Variants in IL12RB2 observed in about 807,000 individuals in gnomAD.
IL12RB2 encodes the protein interleukin 12 receptor subunit beta 2, also known as interleukin-12 receptor subunit beta-2.
A neutral mutation model predicts 89.4 loss-of-function variants in IL12RB2; 82 were observed. That is an observed-to-expected ratio of 0.92 (90% CI 0.77 to 1.10). The LOEUF is 1.10. IL12RB2 is among the 50% of genes least tolerant of loss of function. The pLI, the probability that IL12RB2 is intolerant of heterozygous loss-of-function variation, is 0.00. For missense variants in IL12RB2, 963 were observed against 1,031.9 expected (o/e 0.93, Z 0.92); for synonymous variants, 368 against 370.1 (o/e 0.99, Z 0.07).
At chr1:67,388,666 T>C (rs1665488446) in intron 15 of IL12RB2, among the ~76,000 whole-genome samples, 1 of 152,238 alleles carries the variant, frequency 6.6e-6, no homozygotes, top group African/African-American at 2.4e-5. Context: ...TTAATGGTGT[T>C]TATATCTGGG....
At chr1:67,379,846 G>A in intron 13 of IL12RB2, 140 bp from the exon 14 acceptor site, 1 of 703,826 alleles carries the variant, frequency 1.4e-6, no homozygotes, top group South Asian at 1.6e-5. Context: ...TAAGTACTGA[G>A]GAATTTGGAC....
chr1:67,375,988 A>T (rs1455293826), intron 13 of IL12RB2, among the ~76,000 whole-genome samples: 1 of 151,692 alleles, frequency 6.6e-6, no homozygotes, highest in Admixed American at 6.6e-5. Context: ...CTGGGACTAC[A>T]AGCACCCGCC....
chr1:67,395,399 T>C, intron 16 of IL12RB2, 148 bp from the exon 17 acceptor site: 1 of 1,477,648 alleles, frequency 6.8e-7, no homozygotes, highest in African/African-American at 1.4e-5. Flanking sequence ...TAACTGTTTC[T>C]CTTACCTCGC....
chr1:67,321,040 TGCCTCCC>T (rs1656443219), intron 3 of IL12RB2, among the ~76,000 whole-genome samples: 1 of 151,764 alleles, frequency 6.6e-6, no homozygotes, highest in African/African-American at 2.4e-5. Flanking sequence ...TTTTTCTTCC[TGCCTCCC>T]GCCGTCCACA....
chr1:67,373,822 C>A (rs1464436206), intron 13 of IL12RB2, among the ~76,000 whole-genome samples: 1 of 152,182 alleles, frequency 6.6e-6, no homozygotes, highest in African/African-American at 2.4e-5. Context: ...AACAATGCAA[C>A]AAAGCCACCC....
At chr1:67,340,581 C>T (rs998231543) in intron 9 of IL12RB2, among the ~76,000 whole-genome samples, 2 of 152,192 alleles carry the variant, frequency 1.3e-5, no homozygotes, top group African/African-American at 4.8e-5. Context: ...AATGAGAGGA[C>T]ACAAATGTAA....
chr1:67,324,602 C>T (rs1355303622), intron 4 of IL12RB2, among the ~76,000 whole-genome samples: 3 of 152,192 alleles, frequency 2.0e-5, no homozygotes, highest in East Asian at 1.9e-4. Context: ...CTGCCTGCCT[C>T]GGCCTCCCAA....
At chr1:67,338,372 A>AAAT (rs1659098028) in intron 8 of IL12RB2, among the ~76,000 whole-genome samples, 1 of 146,198 alleles carries the variant, frequency 6.8e-6, no homozygotes, top group Non-Finnish European at 1.5e-5. Context: ...AAAAAAAAAA[A>AAAT]AGTAAGTTAA....
chr1:67,329,705 C>T lies in IL12RB2; in HGVS notation c.783C>T (p.Pro261=), dbSNP rs1336163115. ...LVLLNRLRYR[P]SNSRLWNMVN... ...TGCTTAATCGACTCAGATATCGGCC[C>T]AGTAACAGCAGGCTCTGGAATATGG... is the stretch of plus-strand genomic sequence containing the variant. Residue 261 remains proline (P), a synonymous_variant, in exon 7 of 17, where the codon CCC becomes CCT. Coordinates refer to ENST00000674203, the MANE Select transcript of IL12RB2 (RefSeq NM_001374259.2). The T allele has an allele frequency of 2.5e-6, 4 of 1,607,666 alleles. No homozygotes were observed. The highest frequency in any genetic ancestry group is 3.4e-6 in the Non-Finnish European group (4 of 1,174,200).
chr1:67,318,143 G>A (rs182974208), intron 2 of IL12RB2, among the ~76,000 whole-genome samples: 11 of 152,316 alleles, frequency 7.2e-5, no homozygotes, highest in Middle Eastern at 3.4e-3. Context: ...AGTCCTCTAG[G>A]CAGCAAAGGG....
At chr1:67,362,374 G>C (rs1269735183) in intron 10 of IL12RB2, among the ~76,000 whole-genome samples, 1 of 150,102 alleles carries the variant, frequency 6.7e-6, no homozygotes, top group Non-Finnish European at 1.5e-5. Flanking sequence ...AGACCATCCT[G>C]GCTAACAAGG....
At chr1:67,311,924 G>A (rs1655113229) in intron 1 of IL12RB2, among the ~76,000 whole-genome samples, 1 of 152,130 alleles carries the variant, frequency 6.6e-6, no homozygotes, top group Non-Finnish European at 1.5e-5. Context: ...TGCTTACAAG[G>A]TGAAGCAAAA....
intron 2 of IL12RB2, among the ~76,000 whole-genome samples, chr1:67,317,509 T>C (rs149334841): frequency 2.0e-5 from 3 of 152,250 alleles, no homozygotes; most frequent in Non-Finnish European, 4.4e-5. Context: ...CTCCTGCCTT[T>C]CTTGTACACT....
chr1:67,374,777 CTTTT>C (rs35122967), intron 13 of IL12RB2, among the ~76,000 whole-genome samples: 23 of 53,862 alleles, frequency 4.3e-4, no homozygotes, highest in African/African-American at 1.2e-3. Context: ...AGCCCAGCCT[CTTTT>C]TTTTTTTTTT....
intron 6 of IL12RB2, 83 bp from the exon 7 acceptor site, chr1:67,329,504 C>T: frequency 1.2e-6 from 1 of 858,544 alleles, no homozygotes; most frequent in Non-Finnish European, 2.0e-6. Context: ...TTTTGTCAAA[C>T]TCTTTATAGC....
At chr1:67,351,361 C>T (rs1055104303) in intron 10 of IL12RB2, among the ~76,000 whole-genome samples, 5 of 152,124 alleles carry the variant, frequency 3.3e-5, no homozygotes, top group Admixed American at 6.6e-5. Flanking sequence ...AATATTAATA[C>T]ATAGCAGGTA....
chr1:67,346,374 G>T (rs928996717), intron 9 of IL12RB2, among the ~76,000 whole-genome samples: 7 of 115,360 alleles, frequency 6.1e-5, no homozygotes, highest in African/African-American at 2.2e-4. Context: ...GGTGAGGGTT[G>T]TCTATTTTTT....
chr1:67,333,620 A>G (rs1658385455), intron 8 of IL12RB2, among the ~76,000 whole-genome samples: 1 of 152,122 alleles, frequency 6.6e-6, no homozygotes, highest in Admixed American at 6.5e-5. Flanking sequence ...TTTTTAAATG[A>G]CCGAAAAGTA....
At chr1:67,370,947 C>T (rs1233105718) in intron 11 of IL12RB2, among the ~76,000 whole-genome samples, 1 of 152,232 alleles carries the variant, frequency 6.6e-6, no homozygotes, top group Non-Finnish European at 1.5e-5. Flanking sequence ...CTGCCCTGAA[C>T]TCACATTTTG....
Sources: gnomAD v4.1 joint callset for allele counts (sites outside exome capture counted in the v4.1 genomes callset) on GRCh38, gnomAD v4.1.1 for gene constraint, MANE v1.5 for transcripts, NCBI Gene and HGNC (gene_info 2026-07-23, HGNC 2026-07-21) for gene names.